The following DOCK10 variants were observed in gnomAD, a reference collection of about 807,000 sequenced individuals.
DOCK10 encodes the protein dedicator of cytokinesis 10.
Under a neutral mutation model 280.1 loss-of-function variants are expected in DOCK10, and 145 were observed. That is an observed-to-expected ratio of 0.52 (90% CI 0.45 to 0.59). DOCK10 has a LOEUF of 0.59. Ranked by LOEUF, DOCK10 falls within the 20% of genes least tolerant of loss-of-function variation. The pLI is 0.00. For synonymous variants in DOCK10, 915 were observed against 942.2 expected, an observed-to-expected ratio of 0.97 and a Z score of 0.53; for missense variants, 2,368 against 2,651.7, an observed-to-expected ratio of 0.89 and a Z score of 2.35.
intron 1 of DOCK10, among the ~76,000 whole-genome samples, chr2:224,989,490 C>T (rs60275556): frequency 0.02 from 2,975 of 152,140 alleles, 92 homozygotes; most frequent in African/African-American, 0.068. Flanking sequence ...TGTAAATTTT[C>T]CAGAGGCTCA....
intron 18 of DOCK10, 113 bp from the exon 19 acceptor site, chr2:224,849,712 T>C: frequency 2.8e-6 from 2 of 702,258 alleles, no homozygotes; most frequent in East Asian, 2.7e-5. Flanking sequence ...AACTTTGTGA[T>C]AACTTGCCAG....
At chr2:224,952,951 C>T (rs6707711) in intron 1 of DOCK10, among the ~76,000 whole-genome samples, 91,744 of 152,102 alleles carry the variant, frequency 0.6, 27,946 homozygotes, top group Non-Finnish European at 0.64. Flanking sequence ...CTATCCAATC[C>T]GGAAATGGCA....
At chr2:224,952,684 C>T (rs1381860762) in intron 1 of DOCK10, among the ~76,000 whole-genome samples, 37 of 150,570 alleles carry the variant, frequency 2.5e-4, no homozygotes, top group African/African-American at 8.0e-4. Context: ...GCTCCGCCTC[C>T]CGGGTTCACG....
At chr2:224,936,992 T>C (rs956609997) in intron 1 of DOCK10, among the ~76,000 whole-genome samples, 4 of 152,108 alleles carry the variant, frequency 2.6e-5, no homozygotes, top group African/African-American at 4.8e-5. Flanking sequence ...TAAGAAAAGA[T>C]ACACAAAACC....
intron 29 of DOCK10, among the ~76,000 whole-genome samples, chr2:224,818,010 G>A (rs1190685633): frequency 6.6e-6 from 1 of 152,166 alleles, no homozygotes; most frequent in African/African-American, 2.4e-5. Flanking sequence ...CTCCTTAAGA[G>A]GCAAGCATGT....
rs1434665060 is a variant in DOCK10, at chr2:224,795,114, T to G, written c.4939-20A>C. 1 of 1,606,022 alleles carries G rather than the reference T, an allele frequency of 6.2e-7. No individual in the cohort carries two copies. Among genetic ancestry groups the G allele is most frequent in the Non-Finnish European group, 8.5e-7 (1 of 1,172,960 alleles). On this transcript the variant is annotated intron_variant, in intron 44 of 55. Coordinates refer to ENST00000258390, the MANE Select transcript of DOCK10 (RefSeq NM_014689.3). ...GCTGTTCTTTGGAAAAGAGAGAGCC[T>G]GGGTCATTATCTGTTTAGAATCTAT...
intron 1 of DOCK10, among the ~76,000 whole-genome samples, chr2:225,009,937 G>A (rs1461565877): frequency 1.3e-5 from 2 of 152,100 alleles, no homozygotes; most frequent in African/African-American, 2.4e-5. Context: ...CTGGTTAACC[G>A]TTAACTGAGT....
intron 1 of DOCK10, among the ~76,000 whole-genome samples, chr2:225,009,281 G>C (rs1252683930): frequency 2.0e-5 from 3 of 152,090 alleles, no homozygotes; most frequent in Non-Finnish European, 4.4e-5. Context: ...TACCTACCAA[G>C]AAAATCAATC....
intron 3 of DOCK10, among the ~76,000 whole-genome samples, chr2:224,916,263 G>A (rs766854457): frequency 6.6e-6 from 1 of 152,232 alleles, no homozygotes; most frequent in Non-Finnish European, 1.5e-5. Context: ...TGGCATGGCC[G>A]GACGCGGTGG....
chr2:224,930,712 G>A (rs1322190121), intron 2 of DOCK10, among the ~76,000 whole-genome samples: 1 of 152,192 alleles, frequency 6.6e-6, no homozygotes, highest in Non-Finnish European at 1.5e-5. Flanking sequence ...GACAATGGCT[G>A]TTTCACAGGG....
chr2:224,875,999 A>G (rs1305137288), intron 8 of DOCK10, 39 bp downstream of exon 8: 6 of 1,592,966 alleles, frequency 3.8e-6, no homozygotes, highest in Non-Finnish European at 5.1e-6. Flanking sequence ...CACAGGTCAC[A>G]CTGGACAAAG....
At chr2:224,894,266 AC>A (rs1263557601) in intron 4 of DOCK10, among the ~76,000 whole-genome samples, 1 of 152,224 alleles carries the variant, frequency 6.6e-6, no homozygotes, top group Non-Finnish European at 1.5e-5. Flanking sequence ...CATTGTTTTA[AC>A]AGAGGAAGAA....
At chr2:224,844,573 C>T (rs1286194778) in intron 22 of DOCK10, among the ~76,000 whole-genome samples, 180 bp downstream of exon 22, 1 of 152,172 alleles carries the variant, frequency 6.6e-6, no homozygotes, top group East Asian at 1.9e-4. Flanking sequence ...GGGATTAGGA[C>T]ATTCTATCTG....
chr2:224,942,856 C>G (rs1158439936), intron 1 of DOCK10, among the ~76,000 whole-genome samples: 3 of 146,148 alleles, frequency 2.1e-5, no homozygotes, highest in Admixed American at 2.0e-4. Context: ...GATTAATGAC[C>G]CATAAACCAG....
intron 3 of DOCK10, among the ~76,000 whole-genome samples, chr2:224,902,362 A>G (rs1700347796): frequency 1.3e-5 from 2 of 152,244 alleles, no homozygotes; most frequent in South Asian, 2.1e-4. Flanking sequence ...GCAAGCATAA[A>G]TGGTGTTCAT....
At chr2:225,019,048 G>T (rs867098229) in intron 1 of DOCK10, among the ~76,000 whole-genome samples, 1 of 123,996 alleles carries the variant, frequency 8.1e-6, no homozygotes, top group Non-Finnish European at 1.8e-5. Context: ...TTACCAACTA[G>T]CAACAATCTT....
chr2:224,792,941 G>C (rs756826533), intron 47 of DOCK10, 33 bp downstream of exon 47: 1 of 1,491,002 alleles, frequency 6.7e-7, no homozygotes, highest in South Asian at 1.1e-5. Context: ...GATTTCCTCT[G>C]CATTGGGATA....
chr2:224,989,294 G>A (rs779129569), intron 1 of DOCK10, among the ~76,000 whole-genome samples: 7 of 152,168 alleles, frequency 4.6e-5, no homozygotes, highest in Non-Finnish European at 1.0e-4. Flanking sequence ...GTGATGGGAA[G>A]AAACATGGGG....
At chr2:224,977,370 G>A (rs1705500022) in intron 1 of DOCK10, among the ~76,000 whole-genome samples, 2 of 152,160 alleles carry the variant, frequency 1.3e-5, no homozygotes, top group Admixed American at 1.3e-4. Flanking sequence ...TTCTCCTCTT[G>A]TGCCACCTCT....
Sources: gnomAD v4.1 joint callset for allele counts (sites outside exome capture counted in the v4.1 genomes callset) on GRCh38, gnomAD v4.1.1 for gene constraint, MANE v1.5 for transcripts, NCBI Gene and HGNC (gene_info 2026-07-23, HGNC 2026-07-21) for gene names.